The following PITPNM2 variants were observed in gnomAD, a reference collection of about 807,000 sequenced individuals.
PITPNM2 encodes phosphatidylinositol transfer protein membrane associated 2.
In PITPNM2, 35 loss-of-function variants were observed where a neutral mutation model predicts 132.2. The observed-to-expected ratio is 0.26, with a 90% confidence interval of 0.20 to 0.35. The LOEUF (loss-of-function observed/expected upper bound fraction) is 0.35, where lower values mean the gene tolerates loss of function less well. PITPNM2 is among the 10% of genes least tolerant of loss of function. The pLI is 1.00. For synonymous variants in PITPNM2, 738 were observed against 799.2 expected (o/e 0.92, Z 1.29); for missense variants, 1,332 against 1,912.0 (o/e 0.70, Z 5.66).
intron 5 of PITPNM2, chr12:123,010,742 C>A (rs78351440): frequency 0.035 from 5,361 of 155,102 alleles, 156 homozygotes; most frequent in East Asian, 0.17. Context: ...AGCTAGGAGA[C>A]CGGACAGTTC....
At chr12:123,136,445 AC>A (rs2043384551) in intron 1 of PITPNM2, among the ~76,000 whole-genome samples, 1 of 152,082 alleles carries the variant, frequency 6.6e-6, no homozygotes, top group Non-Finnish European at 1.5e-5. Flanking sequence ...CAATAAATCA[AC>A]CCCTCGGCCT....
At chr12:123,012,360 G>T (rs1385270898) in intron 5 of PITPNM2, among the ~76,000 whole-genome samples, 1 of 152,230 alleles carries the variant, frequency 6.6e-6, no homozygotes, top group Admixed American at 6.5e-5. Context: ...TAGGGATCCC[G>T]CAAAGGGATG....
chr12:123,146,763 T>C (rs972992959), intron 1 of PITPNM2, among the ~76,000 whole-genome samples: 1 of 152,080 alleles, frequency 6.6e-6, no homozygotes, highest in Non-Finnish European at 1.5e-5. Flanking sequence ...CAATGCTCCA[T>C]ACTCATTTCA....
At chr12:123,007,216 GT>G (rs1485898021) in intron 6 of PITPNM2, among the ~76,000 whole-genome samples, 12 of 152,172 alleles carry the variant, frequency 7.9e-5, no homozygotes, top group African/African-American at 2.9e-4. Flanking sequence ...CTCTGGGTGA[GT>G]TTTGTCCATG....
chr12:123,064,637 CCT>C lies in PITPNM2; in HGVS notation c.-95-29954_-95-29953del, dbSNP rs2041355840. Among the ~76,000 whole-genome samples the C allele has an allele frequency of 1.3e-5, 2 of 152,206 alleles. No homozygotes were observed. ...AAAACAAAACGAGCCCAGCAACACC[CCT>C]GTGTCAACAGGGTGGGAAGTGAGGA... On this transcript the variant is annotated intron_variant, in intron 2 of 25. Coordinates refer to ENST00000320201, the MANE Select transcript of PITPNM2 (RefSeq NM_020845.3). This position sits in a 1 kb window ranked among gnomAD's most constrained non-coding sequence, Gnocchi z 4.0.
intron 2 of PITPNM2, chr12:123,088,846 C>A (rs1393898064): frequency 6.6e-6 from 1 of 152,132 alleles, no homozygotes; most frequent in African/African-American, 2.4e-5. Context: ...ACTTGGAATC[C>A]CCCAGGGAAC....
chr12:123,017,126 T>G (rs1006759599), intron 3 of PITPNM2, among the ~76,000 whole-genome samples: 5 of 151,474 alleles, frequency 3.3e-5, no homozygotes, highest in African/African-American at 1.2e-4. Context: ...ATCCCAGCAC[T>G]TTGGGAGGCT....
chr12:123,056,074 G>A (rs2041015931), intron 2 of PITPNM2, among the ~76,000 whole-genome samples: 1 of 152,138 alleles, frequency 6.6e-6, no homozygotes, highest in Non-Finnish European at 1.5e-5. Context: ...CTAGAACACT[G>A]CCCAGTCCCA....
intron 2 of PITPNM2, chr12:123,088,682 A>G (rs2042180533): frequency 6.6e-6 from 1 of 152,222 alleles, no homozygotes. Flanking sequence ...AGAGTTTTAT[A>G]GCTGATGTTA....
At chr12:123,044,890 G>A (rs1030867301) in intron 2 of PITPNM2, among the ~76,000 whole-genome samples, 1 of 152,142 alleles carries the variant, frequency 6.6e-6, no homozygotes, top group East Asian at 1.9e-4. Context: ...GGGCTCAAGC[G>A]ATCTTCCTGC....
At chr12:123,139,839 C>G (rs1412658922) in intron 1 of PITPNM2, among the ~76,000 whole-genome samples, 1 of 152,204 alleles carries the variant, frequency 6.6e-6, no homozygotes, top group Non-Finnish European at 1.5e-5. Flanking sequence ...TCCCAGAGGC[C>G]AAGTAGTCCA....
At chr12:123,027,877 G>C (rs1312005748) in intron 3 of PITPNM2, among the ~76,000 whole-genome samples, 1 of 152,232 alleles carries the variant, frequency 6.6e-6, no homozygotes. Context: ...GCGTCCAAGG[G>C]GGGCAGGCCC....
intron 2 of PITPNM2, among the ~76,000 whole-genome samples, chr12:123,104,414 G>A (rs2042643089): frequency 6.6e-6 from 1 of 152,170 alleles, no homozygotes; most frequent in Admixed American, 6.5e-5. Flanking sequence ...GCCCTGCCCC[G>A]CCTTAACTGA....
chr12:123,101,028 C>T (rs1389804244), intron 2 of PITPNM2, among the ~76,000 whole-genome samples: 2 of 152,236 alleles, frequency 1.3e-5, no homozygotes, highest in African/African-American at 4.8e-5. Context: ...GCCACCTTTC[C>T]CAGGCAGCTG....
chr12:123,133,364 G>A (rs2043306828), intron 1 of PITPNM2, among the ~76,000 whole-genome samples: 1 of 152,206 alleles, frequency 6.6e-6, no homozygotes, highest in Non-Finnish European at 1.5e-5. Context: ...TGGCTGTAGA[G>A]TCAGGAAAAT....
rs1284595534 is a variant in PITPNM2, at chr12:122,992,239, G to T, written c.2404+260C>A. ...TCTGGTCTTGTTCTGCCCTTTCCCT[G>T]CTCCGGGGACCCTGGAACAAGGCCC... On this transcript the variant is annotated intron_variant, in intron 16 of 25. Transcript: ENST00000320201. The surrounding 1 kb of genome is among the most constrained non-coding windows in gnomAD (Gnocchi z 6.5). 1.3e-5 allele frequency among the ~76,000 whole-genome samples: 2 copies of T among 152,148 alleles called. No individual in the cohort carries two copies. Among genetic ancestry groups the T allele is most frequent in the Non-Finnish European group, 2.9e-5 (2 of 68,016 alleles).
At chr12:123,148,589 T>C (rs2043665566) in intron 1 of PITPNM2, among the ~76,000 whole-genome samples, 1 of 152,016 alleles carries the variant, frequency 6.6e-6, no homozygotes, top group South Asian at 2.1e-4. Flanking sequence ...AACAGGCCTC[T>C]AGACACGGAG....
chr12:122,996,667 C>T (rs1368657657), intron 12 of PITPNM2, 54 bp downstream of exon 12: 1 of 1,611,184 alleles, frequency 6.2e-7, no homozygotes, highest in Non-Finnish European at 8.5e-7. Flanking sequence ...TGAGGCCAGC[C>T]CGCCCTACAG....
intron 1 of PITPNM2, among the ~76,000 whole-genome samples, chr12:123,112,271 T>G (rs1350659187): frequency 6.6e-6 from 1 of 152,168 alleles, no homozygotes; most frequent in African/African-American, 2.4e-5. Context: ...TAAAATGTGC[T>G]GCTGGCTAAC....
Sources: allele counts gnomAD v4.1 joint callset (sites outside exome capture counted in the v4.1 genomes callset), GRCh38; gene constraint gnomAD v4.1.1; non-coding constraint Gnocchi (gnomAD v3.1); transcripts MANE v1.5; gene names NCBI Gene and HGNC (gene_info 2026-07-23, HGNC 2026-07-21).